RASGRF2: variants seen among roughly 807,000 people sequenced by gnomAD.
The protein encoded by RASGRF2 is Ras protein specific guanine nucleotide releasing factor 2, also known as ras-specific guanine nucleotide-releasing factor 2.
Under a neutral mutation model 151.0 loss-of-function variants are expected in RASGRF2, and 76 were observed. That is an observed-to-expected ratio of 0.50 (90% confidence interval 0.42 to 0.61). The LOEUF (loss-of-function observed/expected upper bound fraction) is 0.61. Ranked by LOEUF, RASGRF2 falls within the 20% of genes least tolerant of loss-of-function variation. The pLI, the probability that RASGRF2 is intolerant of heterozygous loss-of-function variation, is 0.00. For synonymous variants in RASGRF2, 504 were observed against 566.5 expected (o/e 0.89, Z 1.57); for missense variants, 1,148 against 1,564.6 (o/e 0.73, Z 4.49).
At chr5:81,152,278 A>G (rs964105593) in intron 17 of RASGRF2, among the ~76,000 whole-genome samples, 2 of 152,204 alleles carry the variant, frequency 1.3e-5, no homozygotes, top group African/African-American at 2.4e-5. Context: ...CTGAGATTAC[A>G]GGCATGAACC....
chr5:81,149,124 A>G (rs984872279), intron 17 of RASGRF2, among the ~76,000 whole-genome samples: 4 of 152,254 alleles, frequency 2.6e-5, no homozygotes, highest in African/African-American at 9.6e-5. Flanking sequence ...CATTCCATCC[A>G]GCAATCCCAC....
At chr5:81,089,194 T>G (rs1752323396) in intron 9 of RASGRF2, among the ~76,000 whole-genome samples, 1 of 152,206 alleles carries the variant, frequency 6.6e-6, no homozygotes, top group African/African-American at 2.4e-5. Flanking sequence ...TAAGACCCAT[T>G]GAGGCGTTTT....
rs1482072049 is a variant in RASGRF2 at position 81,200,433 on chromosome 5, C to G, written c.2794-897C>G. 1.3e-5 allele frequency among the ~76,000 whole-genome samples: 2 copies of G among 152,120 alleles called. 1 individual carries two copies. The highest frequency in any genetic ancestry group is 2.9e-5 in the Non-Finnish European group (2 of 68,026). ...ATTCATTTTGATGCTCATATTGTCC[C>G]AACTTTCCCCAGTGGGTGCCTCTTC... On this transcript the variant is annotated intron_variant, in intron 18 of 26. Transcript: ENST00000265080.
intron 8 of RASGRF2, 151 bp from the exon 9 acceptor site, chr5:81,086,684 A>C: frequency 1.6e-6 from 1 of 642,814 alleles, no homozygotes. Flanking sequence ...GACCTGTTGA[A>C]GCCTGGAAAG....
chr5:81,032,576 G>A (rs1286285268), intron 1 of RASGRF2, among the ~76,000 whole-genome samples: 3 of 152,118 alleles, frequency 2.0e-5, no homozygotes, highest in Non-Finnish European at 4.4e-5. Context: ...TGCAGAAAAG[G>A]CCTTTGACAA....
chr5:81,116,182 G>A (rs770196005), intron 15 of RASGRF2, among the ~76,000 whole-genome samples: 23 of 138,442 alleles, frequency 1.7e-4, no homozygotes, highest in Non-Finnish European at 2.7e-4. Flanking sequence ...TCCCAGGTTC[G>A]AGCTATTCTC....
In RASGRF2 at chr5:81,092,755, G is replaced by C; in HGVS notation, c.1391-46G>C. 1.9e-6 allele frequency: 3 copies of C among 1,554,472 alleles called. No individual in the cohort carries two copies. In the South Asian group the frequency reaches 3.5e-5, roughly 18 times the overall value. ...ATTGCCGTGGACATGGTCCTCACTT[G>C]ACAGAATTTTAATTGCTGTGTATTC... On this transcript the variant is annotated intron_variant, in intron 9 of 26. Coordinates refer to ENST00000265080, the MANE Select transcript of RASGRF2 (RefSeq NM_006909.3).
At chr5:81,034,207 A>G (rs986590541) in intron 1 of RASGRF2, among the ~76,000 whole-genome samples, 2 of 152,252 alleles carry the variant, frequency 1.3e-5, no homozygotes, top group Admixed American at 6.5e-5. Flanking sequence ...AATGCTCACC[A>G]TCACTGGCCA....
chr5:81,053,168 C>T (rs558668517), intron 2 of RASGRF2, among the ~76,000 whole-genome samples: 2 of 151,976 alleles, frequency 1.3e-5, no homozygotes, highest in African/African-American at 2.4e-5. Flanking sequence ...GGTACATGTG[C>T]ACAACCTGCA....
At chr5:80,962,472 A>C (rs1037541948) in intron 1 of RASGRF2, among the ~76,000 whole-genome samples, 19 of 152,190 alleles carry the variant, frequency 1.2e-4, no homozygotes, top group African/African-American at 4.3e-4. Context: ...CGCAGGAACC[A>C]AAATGAATAG....
chr5:81,211,076 C>T (rs993670013), intron 22 of RASGRF2, among the ~76,000 whole-genome samples: 4 of 149,800 alleles, frequency 2.7e-5, no homozygotes, highest in Non-Finnish European at 5.9e-5. Context: ...CCCTGGACAT[C>T]GAGGCTCCGG....
chr5:81,212,724 T>G (rs1028709348), intron 23 of RASGRF2, among the ~76,000 whole-genome samples, 161 bp downstream of exon 23: 6 of 152,232 alleles, frequency 3.9e-5, no homozygotes, highest in African/African-American at 1.2e-4. Context: ...TCTTACCACT[T>G]AATTGATTTC....
At chr5:81,197,426 G>A (rs572491173) in intron 18 of RASGRF2, among the ~76,000 whole-genome samples, 1,181 of 114,798 alleles carry the variant, frequency 0.01, 17 homozygotes, top group African/African-American at 0.038. Context: ...ACTGCAGTCC[G>A]CAATCCGGCC....
intron 12 of RASGRF2, among the ~76,000 whole-genome samples, chr5:81,105,730 G>T (rs1044745642): frequency 6.6e-6 from 1 of 152,092 alleles, no homozygotes; most frequent in Non-Finnish European, 1.5e-5. Context: ...TAGAAAGGTC[G>T]CTGGGTGAAG....
chr5:81,210,704 G>T (rs1755611399), intron 22 of RASGRF2, among the ~76,000 whole-genome samples: 1 of 152,100 alleles, frequency 6.6e-6, no homozygotes, highest in African/African-American at 2.4e-5. Context: ...TTACCTTAGG[G>T]ATATGGTCCC....
At chr5:81,171,571 G>A (rs1256944694) in intron 17 of RASGRF2, among the ~76,000 whole-genome samples, 1 of 144,440 alleles carries the variant, frequency 6.9e-6, no homozygotes, top group South Asian at 2.2e-4. Flanking sequence ...GTGTGTGTGT[G>A]TATGTGTTCT....
chr5:81,044,408 A>C (rs1211867441), intron 2 of RASGRF2, among the ~76,000 whole-genome samples: 1 of 151,450 alleles, frequency 6.6e-6, no homozygotes, highest in Non-Finnish European at 1.5e-5. Flanking sequence ...AGAGAGCAAG[A>C]CTCCATCTAA....
At chr5:81,168,631 A>G (rs1056821272) in intron 17 of RASGRF2, among the ~76,000 whole-genome samples, 3 of 152,096 alleles carry the variant, frequency 2.0e-5, no homozygotes, top group Non-Finnish European at 4.4e-5. Flanking sequence ...AATATCACCC[A>G]TTTTACCAGC....
intron 2 of RASGRF2, 128 bp from the exon 3 acceptor site, chr5:81,067,904 G>A (rs1284218381): frequency 1.4e-6 from 1 of 727,630 alleles, no homozygotes; most frequent in African/African-American, 1.8e-5. Flanking sequence ...TAACATTTAT[G>A]TCAAGTAGAG....
Sources: gnomAD v4.1 joint callset for allele counts (sites outside exome capture counted in the v4.1 genomes callset) on GRCh38, gnomAD v4.1.1 for gene constraint, MANE v1.5 for transcripts, NCBI Gene and HGNC (gene_info 2026-07-23, HGNC 2026-07-21) for gene names.